Variants in GGA3 observed in about 807,000 individuals in gnomAD.
The protein encoded by GGA3 is ADP-ribosylation factor-binding protein GGA3.
Under a neutral mutation model 77.5 loss-of-function variants are expected in GGA3, and 57 were observed. The observed-to-expected ratio is 0.74, with a 90% CI of 0.59 to 0.92. The LOEUF is 0.92. GGA3 is among the 40% of genes least tolerant of loss of function. GGA3 has a pLI of 0.00. For missense variants in GGA3, 970 were observed against 914.9 expected, an observed-to-expected ratio of 1.06 and a Z score of -0.78; for synonymous variants, 416 against 383.7, an observed-to-expected ratio of 1.08 and a Z score of -0.98.
Position 75,242,515 on chromosome 17 carries a change from G to T in GGA3, c.610-42C>A. On this transcript the variant is annotated intron_variant, in intron 7 of 16. Transcript: ENST00000537686. Reference sequence around the variant, plus strand: ...GTTCAAGAGAAAGAGAGCGTCACTTGACTGTCTTTCCACTTCCACCAGGTC... The same window carrying T: ...GTTCAAGAGAAAGAGAGCGTCACTTTACTGTCTTTCCACTTCCACCAGGTC... 1.9e-6 allele frequency: 3 copies of T among 1,612,220 alleles called. No individual in the cohort carries two copies. The South Asian group carries it at 3.3e-5, about 18-fold the overall frequency.
chr17:75,246,379 C>G, intron 3 of GGA3, 130 bp downstream of exon 3: 1 of 651,832 alleles, frequency 1.5e-6, no homozygotes, highest in Non-Finnish European at 2.8e-6. Context: ...GATTCGAGAT[C>G]TATCTAGTCT....
chr17:75,248,242 C>T (rs916816151), intron 1 of GGA3, among the ~76,000 whole-genome samples: 3 of 151,654 alleles, frequency 2.0e-5, no homozygotes, highest in Non-Finnish European at 4.4e-5. Context: ...GAGGCCGAGG[C>T]GGGCGGATCA....
Position 75,240,965 on chromosome 17 carries a change from T to C in GGA3, c.1039A>G (p.Thr347Ala). The change falls in exon 11 of 17, where the codon ACT becomes GCT. Residue 347 changes from threonine to alanine, a missense_variant. Coordinates refer to ENST00000537686, the MANE Select transcript of GGA3 (RefSeq NM_138619.4). ...SLSSVLAPAP[T>A]PPSSGIPILP... ...ATTGGGATGCCTGAGGAGGGTGGAG[T>C]AGGTGCTGGGGCCAACACGGAGGAC... 5.6e-6 allele frequency: 9 copies of C among 1,612,852 alleles called. No homozygotes were observed. The highest frequency in any genetic ancestry group is 1.1e-5 in the South Asian group (1 of 91,006).
rs1429967330 is a variant in GGA3 at position 75,239,496 on chromosome 17, G to A, written c.1659C>T (p.Phe553=). The part of the protein sequence containing the change: ...TTTPARPLLP[F]STGPGSPLFQ... ...AGAGCGGGCTGCCGGGCCCCGTGGAGAAGGGCAGGAGGGGCCTGGCTGGGG... is the reference window on the plus strand; with the variant it reads ...AGAGCGGGCTGCCGGGCCCCGTGGAAAAGGGCAGGAGGGGCCTGGCTGGGG... The change falls in exon 14 of 17, where the codon TTC becomes TTT. Residue 553 remains phenylalanine, a synonymous_variant. Coordinates refer to ENST00000537686, the MANE Select transcript of GGA3 (RefSeq NM_138619.4). The A allele has an allele frequency of 1.4e-5, 22 of 1,574,244 alleles. No homozygotes were observed. The highest frequency in any genetic ancestry group is 2.1e-5 in the Admixed American group (1 of 47,262).
At chr17:75,240,245 C>A in intron 12 of GGA3, 97 bp downstream of exon 12, 1 of 1,159,242 alleles carries the variant, frequency 8.6e-7, no homozygotes. Flanking sequence ...CTGGCACGCT[C>A]TGGAGGGAAG....
chr17:75,259,364 GA>G (rs2077267376), intron 1 of GGA3, among the ~76,000 whole-genome samples: 1 of 152,176 alleles, frequency 6.6e-6, no homozygotes, highest in African/African-American at 2.4e-5. Flanking sequence ...GGTGGGACTT[GA>G]AAGAAGACTG....
chr17:75,262,130 C>T (rs1437333206), upstream of GGA3: 7 of 967,584 alleles, frequency 7.2e-6, no homozygotes, highest in Non-Finnish European at 1.1e-5. Flanking sequence ...GACCCTGCGC[C>T]AATCCGAAGG....
rs2076360789 is a variant in GGA3 at position 75,237,521 on chromosome 17, G to A, written c.*758C>T. On this transcript the variant is annotated 3_prime_UTR_variant, in exon 17 of 17. Coordinates refer to ENST00000537686, the MANE Select transcript of GGA3 (RefSeq NM_138619.4). ...GGAGGCACGCTTTTCCCAGAAAGCT[G>A]AGTACCTGCTTCTGGAGAAGGGGAA... 1 of 1,535,974 alleles carries A rather than the reference G, an allele frequency of 6.5e-7. No individual in the cohort carries two copies. The highest frequency in any genetic ancestry group is 8.7e-7 in the Non-Finnish European group (1 of 1,146,788).
chr17:75,261,964 G>A (rs1475202853), upstream of GGA3: 2 of 1,606,418 alleles, frequency 1.2e-6, no homozygotes, highest in South Asian at 1.1e-5. Context: ...CGTGCGGCGG[G>A]CTGTCTTGCA....
At chr17:75,256,539 C>T (rs1040155966) in intron 1 of GGA3, among the ~76,000 whole-genome samples, 2 of 152,084 alleles carry the variant, frequency 1.3e-5, no homozygotes, top group South Asian at 2.1e-4. Context: ...ACCCTGATCA[C>T]GCTTGATTTA....
upstream of GGA3, chr17:75,262,331 C>G: frequency 1.3e-6 from 1 of 783,946 alleles, no homozygotes. Context: ...TGGGGAATGT[C>G]CTCCTACTTG....
At chr17:75,260,141 A>C (rs2077303082) in intron 1 of GGA3, among the ~76,000 whole-genome samples, 1 of 152,076 alleles carries the variant, frequency 6.6e-6, no homozygotes, top group African/African-American at 2.4e-5. Flanking sequence ...AGCGCGCGAG[A>C]CTCTGTCTCA....
intron 1 of GGA3, among the ~76,000 whole-genome samples, chr17:75,252,911 A>C (rs970426133): frequency 2.0e-5 from 3 of 152,078 alleles, no homozygotes; most frequent in Admixed American, 6.6e-5. Flanking sequence ...CTATCCCAAA[A>C]CCTATAAGAA....
chr17:75,251,024 T>C (rs1259504028), intron 1 of GGA3, among the ~76,000 whole-genome samples: 1 of 151,840 alleles, frequency 6.6e-6, no homozygotes, highest in African/African-American at 2.4e-5. Flanking sequence ...GAGGCTGCAG[T>C]GAGCTGAGAT....
At chr17:75,259,549 G>C (rs972665452) in intron 1 of GGA3, among the ~76,000 whole-genome samples, 1 of 152,118 alleles carries the variant, frequency 6.6e-6, no homozygotes, top group African/African-American at 2.4e-5. Flanking sequence ...AAAAGGCCTG[G>C]AACAACCAAG....
Position 75,240,044 on chromosome 17 carries a change from T to C in GGA3, c.1328A>G (p.Asp443Gly). 1.3e-6 allele frequency: 2 copies of C among 1,550,808 alleles called. No homozygotes were observed. Among genetic ancestry groups the C allele is most frequent in the Non-Finnish European group, 1.7e-6 (2 of 1,147,952 alleles). Residue 443 changes from aspartate (D) to glycine (G), a missense_variant, in exon 13 of 17, where the codon GAT becomes GGT. Asp to Gly is a moderately conservative substitution (Grantham distance 94). Coordinates refer to ENST00000537686, the MANE Select transcript of GGA3 (RefSeq NM_138619.4). ...GGCTGAGGGCTGGAGCAGAGGAGCA[T>C]CGGAGGCGCCACAGGCAGCGGTCCC... ...RPGTAACGASDAPLLQPSAPS... is the reference protein window; with the variant it reads ...RPGTAACGASGAPLLQPSAPS...
intron 4 of GGA3, 159 bp downstream of exon 4, chr17:75,244,460 G>C: frequency 1.6e-6 from 1 of 644,378 alleles, no homozygotes; most frequent in Non-Finnish European, 2.8e-6. Context: ...TGGCCTGTTT[G>C]GTCATCCCGT....
chr17:75,257,075 G>A (rs149349861), intron 1 of GGA3, among the ~76,000 whole-genome samples: 8,625 of 151,736 alleles, frequency 0.057, 661 homozygotes, highest in African/African-American at 0.16. Context: ...AAAGCAGAAC[G>A]GACTAAAGGT....
chr17:75,240,665 G>T, intron 11 of GGA3, 147 bp downstream of exon 11: 1 of 946,746 alleles, frequency 1.1e-6, no homozygotes, highest in Non-Finnish European at 1.5e-6. Flanking sequence ...CCTCAGGGTC[G>T]CTGAACTTCA....
Sources: gnomAD v4.1 joint callset for allele counts (sites outside exome capture counted in the v4.1 genomes callset) on GRCh38, gnomAD v4.1.1 for gene constraint, MANE v1.5 for transcripts, NCBI Gene and HGNC (gene_info 2026-07-23, HGNC 2026-07-21) for gene names.